IRX4: variants seen among roughly 807,000 people sequenced by gnomAD.
IRX4 encodes the protein iroquois homeobox 4, also known as iroquois-class homeodomain protein IRX-4.
IRX4 carries 22 observed loss-of-function variants against 32.0 expected under a neutral mutation model. The observed-to-expected ratio is 0.69, with a 90% confidence interval of 0.49 to 0.98. The LOEUF (loss-of-function observed/expected upper bound fraction) is 0.98, where lower values mean the gene tolerates loss of function less well. IRX4 is among the 50% of genes least tolerant of loss of function. The pLI is 0.00. For missense variants in IRX4, 840 were observed against 744.2 expected, an observed-to-expected ratio of 1.13 and a Z score of -1.50; for synonymous variants, 379 against 351.7, an observed-to-expected ratio of 1.08 and a Z score of -0.87.
rs911481901 is a variant in IRX4, at chr5:1,882,616, G to T, written c.32C>A (p.Ser11Tyr). ...GGCTCCGCTTACCTGGGGAGCCGAG[G>T]AGTAGGGGTATCCAAACTGCGGGTA... MSYPQFGYPYSSAPQFLMATN... is the reference protein window; with the variant it reads MSYPQFGYPYYSAPQFLMATN... The change falls in exon 1 of 5, where the codon TCC (serine) becomes TAC (tyrosine). Residue 11 changes from serine to tyrosine, a missense_variant. Physicochemically the swap from Ser to Tyr is moderately radical, Grantham distance 144. Around this residue, in one of 3 missense-constraint regions of IRX4, gnomAD observed 241 missense variants for 220.8 expected, o/e 1.09. Coordinates refer to ENST00000231357, the MANE Select transcript of IRX4 (RefSeq NM_016358.3). 1 of 1,452,228 alleles carries T rather than the reference G, an allele frequency of 6.9e-7. No homozygotes were observed. The highest frequency in any genetic ancestry group is 1.5e-5 in the African/African-American group (1 of 66,470). The allele number at this position is 1,452,228 out of a possible 1,614,324, so 90.0% of individuals were successfully genotyped here.
rs376117612 is a variant in IRX4, at chr5:1,877,870, C to T, written c.*99G>A. ...CCCCTCTCCGGTGGGTTGGCGGCTT[C>T]GCGGTGGCCGCGCTAGTCTTCCTCT... On this transcript the variant is annotated 3_prime_UTR_variant, in exon 5 of 5. Transcript: ENST00000231357. 6.1e-6 allele frequency: 7 copies of T among 1,156,308 alleles called. No individual in the cohort carries two copies. The highest frequency in any genetic ancestry group is 5.7e-5 in the East Asian group (2 of 35,060). The allele number at this position is 1,156,308 out of a possible 1,614,324, so 71.6% of individuals were successfully genotyped here.
At chr5:1,881,760 C>A (rs1283019076) in intron 2 of IRX4, 48 bp downstream of exon 2, 14 of 1,556,368 alleles carry the variant, frequency 9.0e-6, no homozygotes, top group Non-Finnish European at 1.2e-5. Flanking sequence ...GTGGGCTTGG[C>A]AAATCGAGGG....
In IRX4 at chr5:1,879,640, G is replaced by A. The variant is rs369502121; in HGVS notation, c.600C>T (p.Leu200=). 1 of 1,614,008 alleles carries A rather than the reference G, an allele frequency of 6.2e-7. No homozygotes were observed. The highest frequency in any genetic ancestry group is 1.3e-5 in the African/African-American group (1 of 74,944). The change falls in exon 4 of 5, where the codon CTC becomes CTT. Residue 200 remains leucine, a synonymous_variant. Transcript: ENST00000231357. ...GCCACGTCATCTTGTTCTCCTTCTTGAGGCGCCGGCGCGCGTTGGCGAACC... is the reference window on the plus strand; with the variant it reads ...GCCACGTCATCTTGTTCTCCTTCTTAAGGCGCCGGCGCGCGTTGGCGAACC... ...STWFANARRR[L]KKENKMTWPP...
At chr5:1,879,140 C>A (rs564267054) in intron 4 of IRX4, among the ~76,000 whole-genome samples, 3 of 152,022 alleles carry the variant, frequency 2.0e-5, no homozygotes, top group Non-Finnish European at 4.4e-5. Context: ...TACAGGCGCC[C>A]GCCACCACGC....
At chr5:1,884,176 G>C (rs1054390135), upstream of IRX4, 2 of 152,266 alleles carry the variant, frequency 1.3e-5, no homozygotes, top group African/African-American at 2.4e-5. Context: ...CTCCGGGACC[G>C]GGACTCGCCC....
intron 2 of IRX4, 38 bp downstream of exon 2, chr5:1,881,770 G>T (rs1561138098): frequency 6.4e-7 from 1 of 1,561,156 alleles, no homozygotes; most frequent in East Asian, 2.4e-5. Context: ...CAAATCGAGG[G>T]CCAGGGGCAG....
Position 1,882,670 on chromosome 5 carries a change from C to A in IRX4, c.-23G>T. ...CATGGCGGGCGCGGCCCGGGGCGGA[C>A]GGGCGGGGCCTGCAGGGTTCTGCGC... is the stretch of plus-strand genomic sequence containing the variant. On this transcript the variant is annotated 5_prime_UTR_variant, in exon 1 of 5. Transcript: ENST00000231357. 5.8e-6 allele frequency: 8 copies of A among 1,370,598 alleles called. No individual in the cohort carries two copies. The South Asian group carries it at 1.0e-4, about 18-fold the overall frequency. The allele number at this position is 1,370,598 out of a possible 1,614,324, so 84.9% of individuals were successfully genotyped here.
At position 1,878,751 on chromosome 5, in the gene IRX4, A is replaced by G. The variant is rs769365684; in HGVS notation, c.778T>C (p.Leu260=). The change falls in exon 5 of 5, where the codon TTG becomes CTG. Residue 260 remains leucine, a synonymous_variant. Coordinates refer to ENST00000231357, the MANE Select transcript of IRX4 (RefSeq NM_016358.3). ...KEEKELELSD[L]DDFDPLEAEP... ...GCTTCCAGCGGGTCGAAGTCGTCCA[A>G]GTCACTAAGCTCCAGCTCCTTCTCC... 6.2e-7 allele frequency: 1 copy of G among 1,613,128 alleles called. No individual in the cohort carries two copies. Among genetic ancestry groups the G allele is most frequent in the Non-Finnish European group, 8.5e-7 (1 of 1,179,982 alleles).
intron 4 of IRX4, 96 bp downstream of exon 4, chr5:1,879,408 C>T (rs1735342710): frequency 6.4e-7 from 1 of 1,570,294 alleles, no homozygotes; most frequent in Non-Finnish European, 8.6e-7. Context: ...GCATGGGGCT[C>T]GGCGTTTGGG....
intron 4 of IRX4, 142 bp downstream of exon 4, chr5:1,879,362 C>T: frequency 1.5e-6 from 2 of 1,340,772 alleles, no homozygotes; most frequent in Middle Eastern, 3.7e-4. Flanking sequence ...ACATTGGTAG[C>T]CTGAGGCAGA....
At chr5:1,879,223 C>G (rs1014740792) in intron 4 of IRX4, among the ~76,000 whole-genome samples, 1 of 152,034 alleles carries the variant, frequency 6.6e-6, no homozygotes, top group Non-Finnish European at 1.5e-5. Context: ...AATCTCCTGA[C>G]CTCGTGATCC....
chr5:1,878,753 T>A lies in IRX4; in HGVS notation c.776A>T (p.Asp259Val). The change falls in exon 5 of 5, where the codon GAC (aspartate) becomes GTC (valine). Residue 259 changes from aspartate to valine, a missense_variant. Asp to Val is a radical substitution (Grantham distance 152, BLOSUM62 -3). Around this residue, in one of 3 missense-constraint regions of IRX4, gnomAD observed 585 missense variants for 488.0 expected, o/e 1.20. Transcript: ENST00000231357. ...GKEEKELELS[D>V]LDDFDPLEAE... ...TTCCAGCGGGTCGAAGTCGTCCAAG[T>A]CACTAAGCTCCAGCTCCTTCTCCTC... 6.2e-7 allele frequency: 1 copy of A among 1,613,230 alleles called. No individual in the cohort carries two copies. The highest frequency in any genetic ancestry group is 8.5e-7 in the Non-Finnish European group (1 of 1,179,952).
rs934663974 is a variant in IRX4 at position 1,877,699 on chromosome 5, G to A, written c.*270C>T. The A allele has an allele frequency of 2.1e-6, 1 of 476,734 alleles. No individual in the cohort carries two copies. Among genetic ancestry groups the A allele is most frequent in the African/African-American group, 2.1e-5 (1 of 48,484 alleles). 29.5% of individuals were successfully genotyped at this position (476,734 alleles called of 1,614,324 possible). A position where few individuals can be genotyped will look rare whatever the true frequency, so the allele number is the denominator to read the frequency against. On this transcript the variant is annotated 3_prime_UTR_variant, in exon 5 of 5. Transcript: ENST00000231357. ...TTTTGACGTAAACTTTATGCTTCAGGGTATCTGGCCTCTTCTGCTCCGAGA... is the reference window on the plus strand; with the variant it reads ...TTTTGACGTAAACTTTATGCTTCAGAGTATCTGGCCTCTTCTGCTCCGAGA...
chr5:1,878,841 A>G, intron 4 of IRX4, 49 bp from the exon 5 acceptor site: 2 of 1,580,412 alleles, frequency 1.3e-6, no homozygotes, highest in Non-Finnish European at 1.7e-6. Flanking sequence ...TGGTAGGTGA[A>G]TCAGACCCCC....
At chr5:1,879,971 G>A (rs1176620712) in intron 3 of IRX4, 139 bp from the exon 4 acceptor site, 5 of 1,501,294 alleles carry the variant, frequency 3.3e-6, no homozygotes, top group Non-Finnish European at 4.5e-6. Flanking sequence ...TGGTCATAAG[G>A]CCCAGGTAGG....
Position 1,879,592 on chromosome 5 carries a change from G to C in IRX4, c.648C>G (p.Asp216Glu), listed in dbSNP as rs778606713. Reference sequence around the variant, plus strand: ...CGCCCTCCGCGTAGGGCCGCTTCTCGTCTGCGCACTTGTTCCGCGGCGGCC... The same window carrying C: ...CGCCCTCCGCGTAGGGCCGCTTCTCCTCTGCGCACTTGTTCCGCGGCGGCC... The part of the protein sequence containing the change: ...MTWPPRNKCA[D>E]EKRPYAEGEE... The change falls in exon 4 of 5, where the codon GAC becomes GAG. Residue 216 changes from aspartate to glutamate, a missense_variant. Physicochemically the swap from Asp to Glu is conservative, Grantham distance 45. Transcript: ENST00000231357. 2.5e-6 allele frequency: 4 copies of C among 1,613,910 alleles called. No homozygotes were observed. The highest frequency in any genetic ancestry group is 1.1e-5 in the South Asian group (1 of 91,088).
At chr5:1,881,497 A>T (rs1735436456) in intron 2 of IRX4, among the ~76,000 whole-genome samples, 1 of 151,598 alleles carries the variant, frequency 6.6e-6, no homozygotes, top group Non-Finnish European at 1.5e-5. Flanking sequence ...GGGTCAGGGA[A>T]TGAGGGAGGG....
chr5:1,878,821 G>A (rs200428610), intron 4 of IRX4, 29 bp from the exon 5 acceptor site: 2 of 1,608,986 alleles, frequency 1.2e-6, no homozygotes, highest in Non-Finnish European at 1.7e-6. Context: ...GGCCAGTGGA[G>A]GGAGAGGGTT....
At chr5:1,880,700 C>A in intron 3 of IRX4, 25 bp downstream of exon 3, 1 of 1,508,632 alleles carries the variant, frequency 6.6e-7, no homozygotes, top group Non-Finnish European at 9.2e-7. Context: ...GGGGCTAGTG[C>A]TGGTTAGGAG....
Sources: allele counts gnomAD v4.1 joint callset (sites outside exome capture counted in the v4.1 genomes callset), GRCh38; gene constraint gnomAD v4.1.1; regional missense constraint gnomAD v4.1.1; transcripts MANE v1.5; gene names NCBI Gene and HGNC (gene_info 2026-07-23, HGNC 2026-07-21).